Variants in PCLO observed in about 807,000 individuals in gnomAD.
PCLO encodes the protein piccolo presynaptic cytomatrix protein, also known as protein piccolo.
A neutral mutation model predicts 427.5 loss-of-function variants in PCLO; 82 were observed. The observed-to-expected ratio is 0.19, with a 90% CI of 0.16 to 0.23. PCLO has a LOEUF of 0.23. PCLO is among the 10% of genes least tolerant of loss of function. The pLI, the probability that PCLO is intolerant of heterozygous loss-of-function variation, is 1.00. For missense variants in PCLO, 6,239 were observed against 6,115.9 expected, an observed-to-expected ratio of 1.02 and a Z score of -0.67; for synonymous variants, 2,357 against 2,155.4, an observed-to-expected ratio of 1.09 and a Z score of -2.59.
chr7:82,867,668 C>T (rs1422208632), intron 10 of PCLO, among the ~76,000 whole-genome samples: 1 of 152,184 alleles, frequency 6.6e-6, no homozygotes, highest in Non-Finnish European at 1.5e-5. Flanking sequence ...AGCAATATCA[C>T]TGAACACAGA....
rs1339887321 is a variant in PCLO at position 83,096,742 on chromosome 7, A to G, written c.3300+37508T>C. 3.9e-5 allele frequency among the ~76,000 whole-genome samples: 5 copies of G among 128,510 alleles called. No homozygotes were observed. In the Admixed American group the frequency reaches 5.1e-4, roughly 13 times the overall value. The allele number at this position is 128,510 out of a possible 152,430, so 84.3% of individuals were successfully genotyped here. A position where few individuals can be genotyped will look rare whatever the true frequency, so the allele number is the denominator to read the frequency against. ...TAAATGGAAAGCTCCAATCTTTTTT[A>G]TTATATAAATTATATAAATATATTA... On this transcript the variant is annotated intron_variant, in intron 3 of 24. Coordinates refer to ENST00000333891, the MANE Select transcript of PCLO (RefSeq NM_033026.6).
chr7:82,917,752 G>T (rs1794500744), intron 6 of PCLO, among the ~76,000 whole-genome samples: 1 of 151,670 alleles, frequency 6.6e-6, no homozygotes, highest in Admixed American at 6.6e-5. Flanking sequence ...TTTACAAGAT[G>T]CTTCCTTTTC....
chr7:83,069,287 GT>G (rs1421321713), intron 3 of PCLO, among the ~76,000 whole-genome samples: 1 of 152,024 alleles, frequency 6.6e-6, no homozygotes, highest in Non-Finnish European at 1.5e-5. Context: ...TAATATGCAG[GT>G]TTTGCATCCT....
At chr7:83,154,119 C>A (rs1316712719) in intron 2 of PCLO, among the ~76,000 whole-genome samples, 2 of 152,252 alleles carry the variant, frequency 1.3e-5, no homozygotes, top group South Asian at 4.1e-4. Context: ...AACATTAAGG[C>A]TACCCAGATT....
chr7:83,035,149 C>T (rs1289839623), intron 3 of PCLO, among the ~76,000 whole-genome samples: 1 of 152,124 alleles, frequency 6.6e-6, no homozygotes, highest in African/African-American at 2.4e-5. Context: ...CAAGCACTAG[C>T]CATGTCACAT....
intron 2 of PCLO, among the ~76,000 whole-genome samples, chr7:83,145,619 T>G (rs146694229): frequency 6.6e-6 from 1 of 152,268 alleles, no homozygotes; most frequent in African/African-American, 2.4e-5. Context: ...TATCTACCAA[T>G]GGAGTCAATA....
chr7:82,997,582 C>A (rs1787660440), intron 3 of PCLO, among the ~76,000 whole-genome samples: 1 of 151,830 alleles, frequency 6.6e-6, no homozygotes, highest in African/African-American at 2.4e-5. Context: ...AGCAGAGTTG[C>A]ATAAACAAAA....
intron 2 of PCLO, 43 bp downstream of exon 2, chr7:83,154,705 G>A (rs771847689): frequency 7.3e-7 from 1 of 1,375,840 alleles, no homozygotes; most frequent in Non-Finnish European, 1.0e-6. Context: ...ATAAGAGGAT[G>A]ATATGGCTGA....
chr7:83,076,530 C>T (rs1449136959), intron 3 of PCLO, among the ~76,000 whole-genome samples: 4 of 151,888 alleles, frequency 2.6e-5, no homozygotes, highest in African/African-American at 7.2e-5. Context: ...CCCAAAGTGC[C>T]GGGATTACAG....
At chr7:83,115,755 T>C (rs1409176822) in intron 3 of PCLO, among the ~76,000 whole-genome samples, 5 of 152,220 alleles carry the variant, frequency 3.3e-5, no homozygotes, top group Non-Finnish European at 2.9e-5. Context: ...CAAATACTAC[T>C]GCTTCTTATA....
Position 82,822,659 on chromosome 7 carries a change from T to G in PCLO, c.14627A>C (p.His4876Pro). The change falls in exon 20 of 25, where the codon CAT (histidine) becomes CCT (proline). Residue 4876 changes from histidine (H) to proline (P), a missense_variant. By Grantham distance (77) the His-to-Pro change is moderately conservative. Transcript: ENST00000333891. ...TGATTTTGAGCTACCAGGACTACTA[T>G]GGGATTTCTCAATGGTGGGAACCTG... ...DMQVPTIEKS[H>P]SSPGSSKSSS... 1.9e-6 allele frequency: 3 copies of G among 1,613,638 alleles called. No homozygotes were observed. Among genetic ancestry groups the G allele is most frequent in the Non-Finnish European group, 2.5e-6 (3 of 1,179,798 alleles).
In PCLO at chr7:83,134,232, T is replaced by TATATAC. The variant is rs911800515; in HGVS notation, c.3300+17_3300+18insGTATAT. Reference sequence around the variant, plus strand: ...CCTCCATATGTAATATATATATATATATATATATATAACTTACCTCAGTCA... The same window carrying TATATAC: ...CCTCCATATGTAATATATATATATATATATACATATATATATAACTTACCTCAGTCA... On this transcript the variant is annotated intron_variant, in intron 3 of 24. Transcript: ENST00000333891. 3 of 746,792 alleles carry TATATAC rather than the reference T, an allele frequency of 4.0e-6. No individual in the cohort carries two copies. Among genetic ancestry groups the TATATAC allele is most frequent in the East Asian group, 3.9e-5 (1 of 25,504 alleles). The allele number at this position is 746,792 out of a possible 1,614,324, so 46.3% of individuals were successfully genotyped here.
chr7:82,997,878 A>G (rs760546163), intron 3 of PCLO, among the ~76,000 whole-genome samples: 14 of 152,040 alleles, frequency 9.2e-5, no homozygotes, highest in Non-Finnish European at 1.8e-4. Context: ...GTTAAAGCAC[A>G]ATGTCATTTA....
chr7:83,061,201 C>T (rs1435025728), intron 3 of PCLO, among the ~76,000 whole-genome samples: 1 of 152,120 alleles, frequency 6.6e-6, no homozygotes, highest in East Asian at 1.9e-4. Flanking sequence ...GCTATGTTCT[C>T]GTTTACAGCT....
chr7:83,092,946 CAAA>C (rs10684707), intron 3 of PCLO, among the ~76,000 whole-genome samples: 1 of 89,654 alleles, frequency 1.1e-5, no homozygotes, highest in Non-Finnish European at 2.2e-5. Flanking sequence ...GACTCTGTCT[CAAA>C]AAAAAAAAAA....
chr7:82,956,932 T>C lies in PCLO; in HGVS notation c.4021A>G (p.Lys1341Glu). 1 of 1,590,990 alleles carries C rather than the reference T, an allele frequency of 6.3e-7. No homozygotes were observed. Among genetic ancestry groups the C allele is most frequent in the Non-Finnish European group, 8.6e-7 (1 of 1,169,544 alleles). Residue 1341 changes from lysine (K) to glutamate (E), a missense_variant, in exon 5 of 25, where the codon AAG becomes GAG. This residue lies in a region of PCLO where 4,677 missense variants were observed against 4,468.4 expected (regional missense o/e 1.05). Coordinates refer to ENST00000333891, the MANE Select transcript of PCLO (RefSeq NM_033026.6). ...QVEPGKEKTE[K>E]EDDKSDTSSS... The stretch of plus-strand genomic sequence containing the variant: ...GAGGTGTCTGATTTGTCATCTTCCT[T>C]TTCCTAAGCAGGGAGATAAAGATAC...
intron 3 of PCLO, among the ~76,000 whole-genome samples, chr7:83,030,186 G>A (rs893500802): frequency 1.3e-5 from 2 of 150,292 alleles, no homozygotes; most frequent in East Asian, 2.0e-4. Flanking sequence ...GATGGAGGGA[G>A]AGAGACATTT....
chr7:83,097,822 A>C (rs929037365), intron 3 of PCLO, among the ~76,000 whole-genome samples: 1 of 151,818 alleles, frequency 6.6e-6, no homozygotes, highest in Non-Finnish European at 1.5e-5. Flanking sequence ...ATATTTTAAA[A>C]ACTTTTTAGC....
Position 82,965,925 on chromosome 7 carries a change from C to A in PCLO, c.3863G>T (p.Gly1288Val). 6.2e-7 allele frequency: 1 copy of A among 1,613,798 alleles called. No individual in the cohort carries two copies. Among genetic ancestry groups the A allele is most frequent in the South Asian group, 1.1e-5 (1 of 91,070 alleles). Residue 1288 changes from glycine (G) to valine (V), a missense_variant, in exon 4 of 25, where the codon GGG (glycine) becomes GTG (valine). Transcript: ENST00000333891. ...TTCCATCTTGGTCTGTGGTTGTTTC[C>A]CTTCTTGCACTGTCTTTGGAGCCAC... is the stretch of plus-strand genomic sequence containing the variant. The part of the protein sequence containing the change: ...GRVAPKTVQE[G>V]KQPQTKMEGL...
Sources: gnomAD v4.1 joint callset for allele counts (sites outside exome capture counted in the v4.1 genomes callset) on GRCh38, gnomAD v4.1.1 for gene constraint, gnomAD v4.1.1 regional missense constraint, MANE v1.5 for transcripts, NCBI Gene and HGNC (gene_info 2026-07-23, HGNC 2026-07-21) for gene names.